The following FOXN3 variants were observed in gnomAD, a reference collection of about 807,000 sequenced individuals.
The protein encoded by FOXN3 is forkhead box protein N3.
In FOXN3, 7 loss-of-function variants were observed where a neutral mutation model predicts 38.4. The observed-to-expected ratio is 0.18, with a 90% confidence interval of 0.10 to 0.34. FOXN3 has a LOEUF of 0.34. Ranked by LOEUF, FOXN3 falls within the 10% of genes least tolerant of loss-of-function variation. The pLI, the probability that FOXN3 is intolerant of heterozygous loss-of-function variation, is 1.00. For missense variants in FOXN3, 456 were observed against 613.4 expected (o/e 0.74, Z 2.71); for synonymous variants, 230 against 242.2 (o/e 0.95, Z 0.47).
chr14:89,568,457 G>A (rs540502883), intron 1 of FOXN3, among the ~76,000 whole-genome samples: 268 of 152,160 alleles, frequency 1.8e-3, no homozygotes, highest in Admixed American at 4.5e-3. Flanking sequence ...CCTCACAGTC[G>A]CTCCTTCCAC....
chr14:89,200,597 TC>T (rs1888212119), intron 4 of FOXN3, among the ~76,000 whole-genome samples: 1 of 152,222 alleles, frequency 6.6e-6, no homozygotes, highest in African/African-American at 2.4e-5. Flanking sequence ...GCAGATGCTT[TC>T]GTATTTCTGT....
chr14:89,199,857 T>C (rs963217918), intron 4 of FOXN3, among the ~76,000 whole-genome samples: 2 of 152,012 alleles, frequency 1.3e-5, no homozygotes, highest in Admixed American at 6.6e-5. Context: ...TAAGCCAAGA[T>C]TGTGCCACTG....
chr14:89,459,773 C>T (rs1221049681), intron 1 of FOXN3, among the ~76,000 whole-genome samples: 1 of 152,094 alleles, frequency 6.6e-6, no homozygotes, highest in Non-Finnish European at 1.5e-5. Context: ...ATCCATAAAC[C>T]CGGAACCCTT....
chr14:89,605,464 C>A (rs1440601809), intron 1 of FOXN3, among the ~76,000 whole-genome samples: 1 of 149,490 alleles, frequency 6.7e-6, no homozygotes, highest in Admixed American at 6.7e-5. Context: ...CAAAAGAAAG[C>A]AAGAAATAAA....
intron 4 of FOXN3, among the ~76,000 whole-genome samples, chr14:89,201,019 A>G (rs1888222376): frequency 6.6e-6 from 1 of 152,218 alleles, no homozygotes; most frequent in African/African-American, 2.4e-5. Context: ...GTAATAAGAC[A>G]GAGCCATTAT....
At chr14:89,439,215 T>G (rs1892329558) in intron 1 of FOXN3, among the ~76,000 whole-genome samples, 1 of 152,042 alleles carries the variant, frequency 6.6e-6, no homozygotes, top group South Asian at 2.1e-4. Flanking sequence ...CTCTTTGAGG[T>G]AGGTACTCTC....
intron 4 of FOXN3, among the ~76,000 whole-genome samples, chr14:89,218,783 T>C (rs1287625651): frequency 6.6e-6 from 1 of 152,228 alleles, no homozygotes; most frequent in African/African-American, 2.4e-5. Flanking sequence ...AGAGACTTTC[T>C]GGGTCTTGCT....
At chr14:89,505,346 T>C (rs1012391418) in intron 1 of FOXN3, among the ~76,000 whole-genome samples, 13 of 144,386 alleles carry the variant, frequency 9.0e-5, no homozygotes, top group Admixed American at 7.6e-4. Flanking sequence ...ACTGTGCTGC[T>C]GCCATCTCGG....
intron 4 of FOXN3, among the ~76,000 whole-genome samples, chr14:89,232,056 T>G (rs1265691188): frequency 6.6e-6 from 1 of 152,206 alleles, no homozygotes; most frequent in African/African-American, 2.4e-5. Flanking sequence ...GTGTCACGTT[T>G]CCTAACCGAA....
chr14:89,553,274 G>T (rs1036999290), intron 1 of FOXN3, among the ~76,000 whole-genome samples: 9 of 128,860 alleles, frequency 7.0e-5, no homozygotes, highest in Admixed American at 1.6e-4. Context: ...CAATTGTCAA[G>T]AAATTATTTC....
intron 2 of FOXN3, among the ~76,000 whole-genome samples, chr14:89,397,419 C>A (rs536838127): frequency 1.3e-5 from 2 of 149,320 alleles, no homozygotes; most frequent in Admixed American, 1.3e-4. Context: ...TGCACATGTA[C>A]CCCCAAACCT....
In FOXN3 at chr14:89,267,055, T is replaced by A. The variant is rs143235829; in HGVS notation, c.745+13895A>T. Among the ~76,000 whole-genome samples the A allele has an allele frequency of 7.7e-3, 1,172 of 152,172 alleles. 15 individuals are homozygous for A. Among genetic ancestry groups the A allele is most frequent in the African/African-American group, 0.027 (1,124 of 41,506 alleles). ...GGGAGAAAACATCACCATCTCCCTT[T>A]TAGGTAGTTTACCTTCTTCCCTTCT... On this transcript the variant is annotated intron_variant, in intron 4 of 5. Transcript: ENST00000557258.
At chr14:89,174,663 A>G (rs1364728062) in intron 5 of FOXN3, among the ~76,000 whole-genome samples, 1 of 152,212 alleles carries the variant, frequency 6.6e-6, no homozygotes. Flanking sequence ...AATGTTGATC[A>G]AATTTCACAG....
chr14:89,456,331 T>C (rs1420830438), intron 1 of FOXN3, among the ~76,000 whole-genome samples: 1 of 152,210 alleles, frequency 6.6e-6, no homozygotes, highest in Non-Finnish European at 1.5e-5. Context: ...TATACCAGGC[T>C]GCTGTTGCCT....
Position 89,605,310 on chromosome 14 carries a change from T to G in FOXN3, c.-15+13718A>C, listed in dbSNP as rs148780989. On this transcript the variant is annotated intron_variant, in intron 1 of 6. Coordinates refer to the FOXN3 transcript ENST00000345097. ...GGAAAGATGCTAATTGGCTTTAGGC[T>G]TTGATAAGTATGCATGTTAAAATTT... Among the ~76,000 whole-genome samples the G allele has an allele frequency of 3.7e-3, 565 of 152,278 alleles. 4 individuals carry two copies. The highest frequency in any genetic ancestry group is 0.013 in the African/African-American group (540 of 41,550).
At chr14:89,530,941 A>G (rs1318025267) in intron 1 of FOXN3, among the ~76,000 whole-genome samples, 1 of 147,762 alleles carries the variant, frequency 6.8e-6, no homozygotes, top group Non-Finnish European at 1.5e-5. Context: ...TGAAATATAT[A>G]TATTATATAT....
In FOXN3 at chr14:89,180,776, C is replaced by T. The variant is rs1416997677; in HGVS notation, c.776G>A (p.Arg259Gln). 4 of 1,612,212 alleles carry T rather than the reference C, an allele frequency of 2.5e-6. No homozygotes were observed. Among genetic ancestry groups the T allele is most frequent in the East Asian group, 4.5e-5 (2 of 44,814 alleles). The change falls in exon 5 of 6, where the codon CGG becomes CAG. Residue 259 changes from arginine to glutamine, a missense_variant. Physicochemically the swap from Arg to Gln is conservative, Grantham distance 43 (BLOSUM62 1). Coordinates refer to ENST00000557258, the MANE Select transcript of FOXN3 (RefSeq NM_005197.4). ...AGGAAACAGCCCTCGGCTCAGGACC[C>T]GCGCTCCATTTTGGATCACTCCTGG... The part of the protein sequence containing the change: ...VPPGVIQNGA[R>Q]VLSRGLFPGV...
chr14:89,578,680 G>C (rs941177764), intron 1 of FOXN3, among the ~76,000 whole-genome samples: 1 of 151,772 alleles, frequency 6.6e-6, no homozygotes, highest in East Asian at 1.9e-4. Context: ...CTTCTAATCC[G>C]TCAGCAAGCC....
chr14:89,377,161 A>T (rs928031719), intron 2 of FOXN3, among the ~76,000 whole-genome samples: 2 of 151,812 alleles, frequency 1.3e-5, no homozygotes, highest in African/African-American at 4.8e-5. Flanking sequence ...GGCATTCCAC[A>T]AAACAACTGG....
Sources: allele counts gnomAD v4.1 joint callset (sites outside exome capture counted in the v4.1 genomes callset), GRCh38; gene constraint gnomAD v4.1.1; transcripts MANE v1.5; gene names NCBI Gene and HGNC (gene_info 2026-07-23, HGNC 2026-07-21).